Variants in GALNT13 observed in about 807,000 individuals in gnomAD.
The protein encoded by GALNT13 is UDP-GalNAc:polypeptide N-acetylgalactosaminyltransferase 13.
In GALNT13, 28 loss-of-function variants were observed where a neutral mutation model predicts 64.2. That is an observed-to-expected ratio of 0.44 (90% CI 0.32 to 0.60). The LOEUF is 0.60. GALNT13 is among the 20% of genes least tolerant of loss of function. The pLI is 0.05. For missense variants in GALNT13, 577 were observed against 669.8 expected, an observed-to-expected ratio of 0.86 and a Z score of 1.53; for synonymous variants, 214 against 224.6, an observed-to-expected ratio of 0.95 and a Z score of 0.42.
intron 3 of GALNT13, among the ~76,000 whole-genome samples, chr2:154,003,002 T>C (rs1299081495): frequency 2.0e-5 from 3 of 152,126 alleles, no homozygotes; most frequent in Non-Finnish European, 2.9e-5. Context: ...GTTTTGCAAG[T>C]TAGGGGATTC....
At chr2:153,302,551 T>C in the GALNT13 span, among the ~76,000 whole-genome samples, 1 of 152,206 alleles carries the variant, frequency 6.6e-6, no homozygotes, top group African/African-American at 2.4e-5. Context: ...TTTTCTTGGC[T>C]GTTCAGAAGC....
chr2:153,675,964 A>G, the GALNT13 span, among the ~76,000 whole-genome samples: 1 of 152,254 alleles, frequency 6.6e-6, no homozygotes, highest in South Asian at 2.1e-4. Context: ...AACTAGAAAA[A>G]CAGGAGCAAA....
chr2:154,037,260 T>A (rs549265590), intron 3 of GALNT13, among the ~76,000 whole-genome samples: 1 of 152,306 alleles, frequency 6.6e-6, no homozygotes, highest in South Asian at 2.1e-4. Context: ...TTCTTAAATA[T>A]ATTGCCTTGG....
intron 4 of GALNT13, among the ~76,000 whole-genome samples, chr2:154,189,405 G>C (rs942808639): frequency 1.3e-5 from 2 of 151,324 alleles, no homozygotes; most frequent in African/African-American, 2.4e-5. Context: ...TGGTCTGATG[G>C]GGCTAGTGGC....
the GALNT13 span, chr2:153,593,018 A>T: frequency 6.6e-6 from 1 of 152,416 alleles, no homozygotes; most frequent in African/African-American, 2.4e-5. Context: ...ATAAAGCGCC[A>T]CAGGAAGAAG....
the GALNT13 span, among the ~76,000 whole-genome samples, chr2:153,078,847 G>A: frequency 6.6e-6 from 1 of 151,914 alleles, no homozygotes. Context: ...TGAGTCTTTG[G>A]AGTTGATTAT....
At chr2:153,162,496 A>G in the GALNT13 span, among the ~76,000 whole-genome samples, 1 of 152,146 alleles carries the variant, frequency 6.6e-6, no homozygotes, top group African/African-American at 2.4e-5. Context: ...ATGATTGGAA[A>G]AACATTTCGA....
the GALNT13 span, among the ~76,000 whole-genome samples, chr2:153,209,227 G>A: frequency 3.4e-4 from 51 of 151,984 alleles, no homozygotes; most frequent in African/African-American, 1.2e-3. Flanking sequence ...AGATCCACCC[G>A]CCTCGGCCTC....
intron 3 of GALNT13, among the ~76,000 whole-genome samples, chr2:154,076,615 A>G (rs369689529): frequency 3.7e-4 from 56 of 151,870 alleles, no homozygotes; most frequent in Middle Eastern, 6.8e-3. Context: ...TTTTACAAAT[A>G]TGACAACCCT....
chr2:153,988,641 C>T (rs186925096), intron 3 of GALNT13, among the ~76,000 whole-genome samples: 22 of 151,934 alleles, frequency 1.4e-4, no homozygotes, highest in South Asian at 1.2e-3. Flanking sequence ...AAAGCATTGA[C>T]GGTGATTATA....
At chr2:153,189,772 A>T in the GALNT13 span, among the ~76,000 whole-genome samples, 6 of 151,970 alleles carry the variant, frequency 3.9e-5, no homozygotes, top group Non-Finnish European at 7.4e-5. Context: ...GTTACTTTTG[A>T]TCTTTTTGAT....
the GALNT13 span, among the ~76,000 whole-genome samples, chr2:153,621,622 G>A: frequency 3.3e-5 from 5 of 152,190 alleles, no homozygotes; most frequent in South Asian, 1.0e-3. Flanking sequence ...AGTCTATTTG[G>A]TATTCTGTTG....
At chr2:153,861,481 C>T in the GALNT13 span, among the ~76,000 whole-genome samples, 1 of 150,714 alleles carries the variant, frequency 6.6e-6, no homozygotes, top group African/African-American at 2.4e-5. Flanking sequence ...TTACTATTTT[C>T]TATGGTTTAT....
the GALNT13 span, among the ~76,000 whole-genome samples, chr2:153,136,521 C>T: frequency 6.6e-6 from 1 of 151,982 alleles, no homozygotes; most frequent in Non-Finnish European, 1.5e-5. Flanking sequence ...TAGTACAAAA[C>T]ATAACCAGTA....
chr2:153,933,591 G>A (rs66680946), intron 2 of GALNT13, among the ~76,000 whole-genome samples: 8,442 of 152,120 alleles, frequency 0.055, 342 homozygotes, highest in South Asian at 0.11. Context: ...TATGTTTAAG[G>A]TTAATACTGA....
At chr2:153,790,659 A>T in the GALNT13 span, among the ~76,000 whole-genome samples, 104 of 152,294 alleles carry the variant, frequency 6.8e-4, no homozygotes, top group African/African-American at 2.5e-3. Flanking sequence ...AGGATGCCAA[A>T]CTATCCCTGT....
chr2:153,151,043 C>G, the GALNT13 span, among the ~76,000 whole-genome samples: 3,348 of 151,996 alleles, frequency 0.022, 95 homozygotes, highest in African/African-American at 0.071. Flanking sequence ...CATTGAATCT[C>G]TAAATTACCT....
the GALNT13 span, among the ~76,000 whole-genome samples, chr2:153,285,816 A>G: frequency 6.6e-6 from 1 of 152,140 alleles, no homozygotes. Context: ...AGGTATGAAT[A>G]CCAGAAAAGG....
chr2:153,948,249 A>T (rs1327684567), intron 3 of GALNT13, among the ~76,000 whole-genome samples: 1 of 152,100 alleles, frequency 6.6e-6, no homozygotes, highest in Non-Finnish European at 1.5e-5. Flanking sequence ...ACTAAAAAAA[A>T]AAAAGCTCAA....
Sources: allele counts gnomAD v4.1 joint callset (sites outside exome capture counted in the v4.1 genomes callset), GRCh38; gene constraint gnomAD v4.1.1; transcripts MANE v1.5; gene names NCBI Gene and HGNC (gene_info 2026-07-23, HGNC 2026-07-21).